EHD3: variants seen among roughly 807,000 people sequenced by gnomAD.
EHD3 encodes EH domain containing 3.
A neutral mutation model predicts 43.0 loss-of-function variants in EHD3; 17 were observed. That is an observed-to-expected ratio of 0.40 (90% CI 0.27 to 0.59). The LOEUF is 0.59. Ranked by LOEUF, EHD3 falls within the 20% of genes least tolerant of loss-of-function variation. EHD3 has a pLI of 0.49. For synonymous variants in EHD3, 313 were observed against 289.5 expected, an observed-to-expected ratio of 1.08 and a Z score of -0.82; for missense variants, 594 against 705.6, an observed-to-expected ratio of 0.84 and a Z score of 1.79.
chr2:31,261,864 A>C (rs935321793), intron 5 of EHD3, 151 bp downstream of exon 5: 9 of 969,098 alleles, frequency 9.3e-6, no homozygotes, highest in Non-Finnish European at 1.3e-5. Context: ...CTACACTCCT[A>C]GCTGGGCCAT....
At position 31,260,195 on chromosome 2, in the gene EHD3, C is replaced by T. The variant is rs141159158; in HGVS notation, c.503-315C>T. On this transcript the variant is annotated intron_variant, in intron 3 of 5. Coordinates refer to ENST00000322054, the MANE Select transcript of EHD3 (RefSeq NM_014600.3). The surrounding 1 kb of genome is among the most constrained non-coding windows in gnomAD (Gnocchi z 4.6). ...CAGCCTGGGTGAGAGAGCAAGACTC[C>T]GTCTCAAAAAAAAAAGTAACTAGCA... Among the ~76,000 whole-genome samples the T allele has an allele frequency of 0.02, 3,016 of 151,490 alleles. 107 individuals are homozygous for T. Among genetic ancestry groups the T allele is most frequent in the African/African-American group, 0.069 (2,842 of 41,328 alleles).
chr2:31,250,605 C>G (rs536090456), intron 3 of EHD3, among the ~76,000 whole-genome samples: 4 of 152,298 alleles, frequency 2.6e-5, no homozygotes, highest in African/African-American at 9.6e-5. Flanking sequence ...TAGGCAGATG[C>G]TATCAAAAGC....
At chr2:31,255,276 C>T (rs1200249879) in intron 3 of EHD3, among the ~76,000 whole-genome samples, 8 of 152,130 alleles carry the variant, frequency 5.3e-5, no homozygotes, top group Non-Finnish European at 8.8e-5. Context: ...CTTGGGCTGC[C>T]GCAGGTGCCC....
At position 31,260,558 on chromosome 2, in the gene EHD3, G is replaced by A. The variant is rs754381951; in HGVS notation, c.551G>A (p.Arg184His). 31 of 1,613,330 alleles carry A rather than the reference G, an allele frequency of 1.9e-5. No homozygotes were observed. The East Asian group carries it at 4.5e-4, about 23-fold the overall frequency. Reference sequence around the variant, plus strand: ...GAGTGGTTTGCCGAGCGGGTTGACCGCATCATTCTGCTCTTCGATGCCCAC... The same window carrying A: ...GAGTGGTTTGCCGAGCGGGTTGACCACATCATTCTGCTCTTCGATGCCCAC... ...VLEWFAERVD[R>H]IILLFDAHKL... is the part of the protein sequence containing the mutation. The change falls in exon 4 of 6, where the codon CGC becomes CAC. Residue 184 changes from arginine to histidine, a missense_variant. Physicochemically the swap from Arg to His is conservative, Grantham distance 29. Transcript: ENST00000322054. The surrounding 1 kb of genome is among the most constrained non-coding windows in gnomAD (Gnocchi z 4.6).
intron 1 of EHD3, among the ~76,000 whole-genome samples, chr2:31,242,756 C>T (rs958316162): frequency 6.6e-6 from 1 of 151,948 alleles, no homozygotes; most frequent in African/African-American, 2.4e-5. Context: ...GTCGGGAGTT[C>T]GAGACCAGCC....
chr2:31,249,709 G>T (rs759938910), intron 3 of EHD3, among the ~76,000 whole-genome samples: 1 of 152,188 alleles, frequency 6.6e-6, no homozygotes, highest in Non-Finnish European at 1.5e-5. Context: ...CTTCTCATCT[G>T]TAAAATGAAG....
intron 5 of EHD3, 120 bp downstream of exon 5, chr2:31,261,833 G>C (rs961661179): frequency 2.8e-6 from 3 of 1,077,594 alleles, no homozygotes; most frequent in Non-Finnish European, 3.7e-6. Flanking sequence ...AGAATCTGCA[G>C]GCAAGGAGGT....
chr2:31,250,568 GTTTTC>G (rs1259603138), intron 3 of EHD3, among the ~76,000 whole-genome samples: 1 of 152,134 alleles, frequency 6.6e-6, no homozygotes, highest in East Asian at 1.9e-4. Flanking sequence ...CACCCAGCCT[GTTTTC>G]TTTTTTCTAA....
chr2:31,250,434 T>C (rs1683613493), intron 3 of EHD3, among the ~76,000 whole-genome samples: 2 of 151,992 alleles, frequency 1.3e-5, no homozygotes, highest in Non-Finnish European at 2.9e-5. Flanking sequence ...ACCCAGCTAA[T>C]TTTTTGTATT....
chr2:31,253,279 C>CACAA, intron 3 of EHD3, among the ~76,000 whole-genome samples: 1 of 148,070 alleles, frequency 6.8e-6, no homozygotes, highest in South Asian at 2.2e-4. Flanking sequence ...CACACACACA[C>CACAA]AAATGTGTGC....
At chr2:31,261,301 A>C (rs574086447) in intron 4 of EHD3, among the ~76,000 whole-genome samples, 89 of 152,300 alleles carry the variant, frequency 5.8e-4, no homozygotes, top group African/African-American at 2.0e-3. Flanking sequence ...CAGCAGCAGC[A>C]ACATGACCAC....
intron 3 of EHD3, among the ~76,000 whole-genome samples, chr2:31,250,348 C>A (rs1489778209): frequency 1.3e-5 from 2 of 151,034 alleles, no homozygotes; most frequent in African/African-American, 2.4e-5. Context: ...CTCACCGCAA[C>A]CTCTGCCTCC....
At chr2:31,258,038 A>C (rs755077140) in intron 3 of EHD3, among the ~76,000 whole-genome samples, 1 of 152,300 alleles carries the variant, frequency 6.6e-6, no homozygotes, top group South Asian at 2.1e-4. Flanking sequence ...TCATAGGTCT[A>C]CGCCACAGGA....
At chr2:31,237,577 G>C (rs908398531) in intron 1 of EHD3, among the ~76,000 whole-genome samples, 1 of 152,010 alleles carries the variant, frequency 6.6e-6, no homozygotes, top group Non-Finnish European at 1.5e-5. Flanking sequence ...GCCAATTTTT[G>C]TATTTTAAGT....
chr2:31,234,873 G>C (rs1322508960), intron 1 of EHD3, 25 bp downstream of exon 1: 3 of 1,611,798 alleles, frequency 1.9e-6, no homozygotes, highest in Non-Finnish European at 2.5e-6. Context: ...GGTCCTGGCA[G>C]CCCACCCCGG....
At chr2:31,235,754 T>C (rs1487933900) in intron 1 of EHD3, among the ~76,000 whole-genome samples, 5 of 152,196 alleles carry the variant, frequency 3.3e-5, no homozygotes, top group African/African-American at 1.2e-4. Context: ...AAGAAGTCAA[T>C]TTGTTCACCC....
intron 2 of EHD3, among the ~76,000 whole-genome samples, chr2:31,248,117 T>G (rs1334846951): frequency 1.3e-5 from 2 of 152,132 alleles, no homozygotes; most frequent in Non-Finnish European, 2.9e-5. Flanking sequence ...TGCTGCACCT[T>G]AGATTTGTCC....
chr2:31,261,166 T>C (rs1187386557), intron 4 of EHD3, among the ~76,000 whole-genome samples: 1 of 152,208 alleles, frequency 6.6e-6, no homozygotes. Flanking sequence ...TCTGTGCCTC[T>C]GTTTGCATCT....
At chr2:31,250,571 T>G (rs1483519048) in intron 3 of EHD3, among the ~76,000 whole-genome samples, 1 of 152,104 alleles carries the variant, frequency 6.6e-6, no homozygotes, top group Non-Finnish European at 1.5e-5. Context: ...CCAGCCTGTT[T>G]TCTTTTTTCT....
Sources: allele counts gnomAD v4.1 joint callset (sites outside exome capture counted in the v4.1 genomes callset), GRCh38; gene constraint gnomAD v4.1.1; non-coding constraint Gnocchi (gnomAD v3.1); transcripts MANE v1.5; gene names NCBI Gene and HGNC (gene_info 2026-07-23, HGNC 2026-07-21).